TBC1D15: variants seen among roughly 807,000 people sequenced by gnomAD.
The protein encoded by TBC1D15 is TBC1 domain family member 15.
In TBC1D15, 39 loss-of-function variants were observed where a neutral mutation model predicts 95.4. The ratio of observed to expected loss-of-function variants is 0.41; its 90% CI spans 0.32 to 0.53. The LOEUF (loss-of-function observed/expected upper bound fraction) is 0.53, where lower values mean the gene tolerates loss of function less well. Among genes scored for constraint, TBC1D15 ranks in the 20% least tolerant of loss-of-function variants. The pLI, the probability that TBC1D15 is intolerant of heterozygous loss-of-function variation, is 0.29. For synonymous variants in TBC1D15, 258 were observed against 261.3 expected, an observed-to-expected ratio of 0.99 and a Z score of 0.12; for missense variants, 733 against 794.3, an observed-to-expected ratio of 0.92 and a Z score of 0.93.
chr12:71,884,012 T>A (rs533557984), intron 4 of TBC1D15, among the ~76,000 whole-genome samples: 1 of 152,304 alleles, frequency 6.6e-6, no homozygotes, highest in East Asian at 1.9e-4. Flanking sequence ...TTTACATAAC[T>A]ATAATTTGGT....
chr12:71,849,361 C>G, intron 1 of TBC1D15: 1 of 1,385,956 alleles, frequency 7.2e-7, no homozygotes, highest in Non-Finnish European at 1.0e-6. Context: ...TAGCTGTTGT[C>G]CAAGGAATGA....
At chr12:71,846,500 G>T (rs1044698906) in intron 1 of TBC1D15, among the ~76,000 whole-genome samples, 1 of 152,118 alleles carries the variant, frequency 6.6e-6, no homozygotes, top group African/African-American at 2.4e-5. Flanking sequence ...CTTCATAAAA[G>T]TTTGTTGAAT....
chr12:71,861,077 CT>C (rs1448939927), intron 1 of TBC1D15, among the ~76,000 whole-genome samples: 1 of 152,096 alleles, frequency 6.6e-6, no homozygotes, highest in Admixed American at 6.6e-5. Flanking sequence ...GGTCAGTGAT[CT>C]TTTTAATGTG....
chr12:71,886,807 G>A (rs1896315557), intron 5 of TBC1D15, among the ~76,000 whole-genome samples: 1 of 152,074 alleles, frequency 6.6e-6, no homozygotes, highest in Admixed American at 6.5e-5. Context: ...TATCATGATT[G>A]GAATAGAAAA....
At chr12:71,911,291 A>G (rs1322755937) in intron 11 of TBC1D15, among the ~76,000 whole-genome samples, 6 of 152,308 alleles carry the variant, frequency 3.9e-5, no homozygotes, top group East Asian at 1.9e-4. Flanking sequence ...CCAAAGGACT[A>G]TAAATCATGC....
At chr12:71,921,022 AT>A (rs143930012) in intron 15 of TBC1D15, among the ~76,000 whole-genome samples, 175 bp downstream of exon 15, 2,624 of 152,230 alleles carry the variant, frequency 0.017, 77 homozygotes, top group African/African-American at 0.06. Flanking sequence ...TTGGCCAGTT[AT>A]TTTTACCTGG....
intron 10 of TBC1D15, among the ~76,000 whole-genome samples, chr12:71,906,532 T>G (rs181063814): frequency 6.6e-6 from 1 of 152,172 alleles, no homozygotes; most frequent in Non-Finnish European, 1.5e-5. Flanking sequence ...GTCCTAAAGA[T>G]GATTGAGACA....
intron 5 of TBC1D15, 84 bp downstream of exon 5, chr12:71,885,105 A>G (rs1895982693): frequency 7.5e-7 from 1 of 1,337,978 alleles, no homozygotes; most frequent in Non-Finnish European, 1.0e-6. Context: ...GACCTTGGGC[A>G]TCAGTGACCT....
chr12:71,851,282 G>T (rs748954253), intron 1 of TBC1D15, among the ~76,000 whole-genome samples: 1 of 152,072 alleles, frequency 6.6e-6, no homozygotes, highest in Non-Finnish European at 1.5e-5. Flanking sequence ...GTGTTAAACC[G>T]TGAGAAACCA....
Position 71,893,312 on chromosome 12 carries a change from T to C in TBC1D15, c.645T>C (p.Tyr215=), listed in dbSNP as rs764542487. The stretch of plus-strand genomic sequence containing the variant: ...AAAATCTTCTTGATGAGCCAGCATA[T>C]GGTTTAATACAAGTATGTTCCTTAA... ...SFENLLDEPA[Y]GLIQKIKKDP... is the part of the protein sequence containing the mutation. Residue 215 remains tyrosine (Y), a synonymous_variant, in exon 6 of 17, where the codon TAT becomes TAC. Coordinates refer to ENST00000485960, the MANE Select transcript of TBC1D15 (RefSeq NM_001146213.3). 3.7e-6 allele frequency: 6 copies of C among 1,607,922 alleles called. No individual in the cohort carries two copies. The Admixed American group carries it at 6.7e-5, about 18-fold the overall frequency.
chr12:71,894,939 T>C, intron 7 of TBC1D15, 56 bp downstream of exon 7: 3 of 1,506,112 alleles, frequency 2.0e-6, no homozygotes, highest in Non-Finnish European at 2.7e-6. Context: ...GAACATGTAC[T>C]ATAGAAATAG....
chr12:71,922,072 T>C (rs1161460583), intron 16 of TBC1D15, among the ~76,000 whole-genome samples: 1 of 152,120 alleles, frequency 6.6e-6, no homozygotes, highest in Non-Finnish European at 1.5e-5. Context: ...TGCACACCAC[T>C]GTGCCCACCT....
intron 11 of TBC1D15, among the ~76,000 whole-genome samples, chr12:71,908,874 A>G (rs967582115): frequency 9.8e-5 from 15 of 152,298 alleles, no homozygotes; most frequent in Admixed American, 3.3e-4. Flanking sequence ...GTCTGGGAGT[A>G]GAGACCCAGG....
intron 1 of TBC1D15, 100 bp from the exon 2 acceptor site, chr12:71,871,970 A>G (rs1009128131): frequency 1.1e-5 from 5 of 461,970 alleles, no homozygotes; most frequent in Non-Finnish European, 1.1e-5. Flanking sequence ...ATAATCAGAA[A>G]CTTGGCCAAG....
intron 4 of TBC1D15, among the ~76,000 whole-genome samples, chr12:71,882,604 T>C (rs907941393): frequency 2.6e-5 from 4 of 152,236 alleles, no homozygotes; most frequent in Non-Finnish European, 5.9e-5. Context: ...ACTCTTGATT[T>C]CCGTTTTCCT....
chr12:71,844,757 G>A (rs1885897065), intron 1 of TBC1D15, among the ~76,000 whole-genome samples: 1 of 152,178 alleles, frequency 6.6e-6, no homozygotes, highest in African/African-American at 2.4e-5. Flanking sequence ...TATTGAAGAA[G>A]TAACTGAAAA....
chr12:71,899,114 A>C (rs1313145880), intron 10 of TBC1D15, among the ~76,000 whole-genome samples: 1 of 152,170 alleles, frequency 6.6e-6, no homozygotes. Context: ...AGGTCAACTA[A>C]ACCTGTATTT....
In TBC1D15 at chr12:71,884,959, C is replaced by T. The variant is rs1895944124; in HGVS notation, c.492C>T (p.His164=). ...ATGACGTCGTTCTCCCTGCTCTACA[C>T]TTTCATCAAGGAGATAGCAAACTAC... ...LKDDVVLPAL[H]FHQGDSKLLI... Residue 164 remains histidine (H), a synonymous_variant, in exon 5 of 17, where the codon CAC becomes CAT. Coordinates refer to ENST00000485960, the MANE Select transcript of TBC1D15 (RefSeq NM_001146213.3). 6.2e-7 allele frequency: 1 copy of T among 1,614,016 alleles called. No individual in the cohort carries two copies. The highest frequency in any genetic ancestry group is 1.7e-4 in the Middle Eastern group (1 of 6,060).
At chr12:71,903,783 T>C (rs924283208) in intron 10 of TBC1D15, among the ~76,000 whole-genome samples, 25 of 152,166 alleles carry the variant, frequency 1.6e-4, no homozygotes, top group African/African-American at 6.0e-4. Context: ...ATGTTCTCAC[T>C]ACAAGTAGGA....
Sources: gnomAD v4.1 joint callset for allele counts (sites outside exome capture counted in the v4.1 genomes callset) on GRCh38, gnomAD v4.1.1 for gene constraint, MANE v1.5 for transcripts, NCBI Gene and HGNC (gene_info 2026-07-23, HGNC 2026-07-21) for gene names.